NAV2: variants seen among roughly 807,000 people sequenced by gnomAD.
The protein encoded by NAV2 is helicase, APC down-regulated 1.
In NAV2, 54 loss-of-function variants were observed where a neutral mutation model predicts 223.2. That is an observed-to-expected ratio of 0.24 (90% confidence interval 0.19 to 0.30). The LOEUF (loss-of-function observed/expected upper bound fraction) is 0.30, where lower values mean the gene tolerates loss of function less well. Ranked by LOEUF, NAV2 falls within the 10% of genes least tolerant of loss-of-function variation. NAV2 has a pLI of 1.00. For missense variants in NAV2, 2,806 were observed against 3,147.5 expected, an observed-to-expected ratio of 0.89 and a Z score of 2.60; for synonymous variants, 1,279 against 1,239.3, an observed-to-expected ratio of 1.03 and a Z score of -0.67.
At chr11:19,925,776 T>C (rs1255495530) in intron 6 of NAV2, among the ~76,000 whole-genome samples, 1 of 152,066 alleles carries the variant, frequency 6.6e-6, no homozygotes, top group Non-Finnish European at 1.5e-5. Flanking sequence ...AATCCAACTT[T>C]AGTTTTCTTT....
At chr11:19,614,535 G>A (rs536329673) in intron 1 of NAV2, among the ~76,000 whole-genome samples, 7 of 152,036 alleles carry the variant, frequency 4.6e-5, no homozygotes, top group African/African-American at 1.2e-4. Flanking sequence ...TATCAATATC[G>A]CACCAGTGTG....
At chr11:19,648,953 G>C (rs2047892396) in intron 1 of NAV2, among the ~76,000 whole-genome samples, 1 of 151,964 alleles carries the variant, frequency 6.6e-6, no homozygotes, top group African/African-American at 2.4e-5. Context: ...ATTTTTAGTA[G>C]ATTTTATTAC....
chr11:19,346,344 G>T (rs1354614747), upstream of NAV2, among the ~76,000 whole-genome samples: 1 of 152,218 alleles, frequency 6.6e-6, no homozygotes, highest in Non-Finnish European at 1.5e-5. Flanking sequence ...GGGTGGTGTA[G>T]GTGGATCGGA....
intron 1 of NAV2, among the ~76,000 whole-genome samples, chr11:19,652,105 C>T (rs2047987112): frequency 6.6e-6 from 1 of 152,074 alleles, no homozygotes; most frequent in South Asian, 2.1e-4. Flanking sequence ...GTGATTAATC[C>T]AAGATATTAA....
chr11:20,088,130 A>C (rs555365366), intron 26 of NAV2, among the ~76,000 whole-genome samples: 1 of 152,186 alleles, frequency 6.6e-6, no homozygotes. Flanking sequence ...TGTCTTGGGC[A>C]TTAGGATTAG....
At chr11:19,951,540 C>T (rs183068710) in intron 10 of NAV2, among the ~76,000 whole-genome samples, 33 of 151,148 alleles carry the variant, frequency 2.2e-4, no homozygotes, top group Admixed American at 1.9e-3. Flanking sequence ...CATATACTAC[C>T]GAACAAATTG....
chr11:19,391,861 C>CCCTG (rs1849261796), intron 1 of NAV2, among the ~76,000 whole-genome samples: 1 of 152,098 alleles, frequency 6.6e-6, no homozygotes, highest in Non-Finnish European at 1.5e-5. Context: ...ATATTCGTTC[C>CCCTG]CCTGCTGTGT....
At chr11:19,768,362 C>G (rs1357573655) in intron 1 of NAV2, among the ~76,000 whole-genome samples, 1 of 152,008 alleles carries the variant, frequency 6.6e-6, no homozygotes, top group Non-Finnish European at 1.5e-5. Context: ...CTGTGCTTGC[C>G]TAATATCAGT....
chr11:19,945,277 T>G (rs1467069295), intron 8 of NAV2, among the ~76,000 whole-genome samples: 2 of 150,996 alleles, frequency 1.3e-5, no homozygotes. Flanking sequence ...TTGCTTGCTT[T>G]CTTGCCTTCT....
Position 19,772,431 on chromosome 11 carries a change from G to T in NAV2, c.267+58469G>T, listed in dbSNP as rs568051138. The stretch of plus-strand genomic sequence containing the variant: ...CCTTTCTCTGCAAAATAGCAAAAAG[G>T]ATCCTTTTCAGTATTGCTGTGATGA... On this transcript the variant is annotated intron_variant, in intron 1 of 37. Coordinates refer to ENST00000349880, the MANE Select transcript of NAV2 (RefSeq NM_145117.5). 5.9e-5 allele frequency among the ~76,000 whole-genome samples: 9 copies of T among 152,302 alleles called. No homozygotes were observed. In the South Asian group the frequency reaches 1.9e-3, roughly 32 times the overall value.
chr11:19,552,795 C>A (rs894287505), intron 1 of NAV2, among the ~76,000 whole-genome samples: 1 of 151,460 alleles, frequency 6.6e-6, no homozygotes, highest in African/African-American at 2.4e-5. Context: ...TAGCTCTCTC[C>A]GAGGGGCTGT....
chr11:19,431,195 T>G (rs1421364282), intron 1 of NAV2, among the ~76,000 whole-genome samples: 3 of 152,180 alleles, frequency 2.0e-5, no homozygotes, highest in African/African-American at 7.2e-5. Context: ...CCCTTCAAGC[T>G]GTGCTGAGTT....
Position 20,049,329 on chromosome 11 carries a change from A to G in NAV2, c.4370+134A>G, listed in dbSNP as rs1257680631. 7.2e-6 allele frequency: 5 copies of G among 696,422 alleles called. No homozygotes were observed. The African/African-American group carries it at 7.2e-5, about 10-fold the overall frequency. The allele number at this position is 696,422 out of a possible 1,614,324, so 43.1% of individuals were successfully genotyped here. On this transcript the variant is annotated intron_variant, in intron 15 of 37. Coordinates refer to ENST00000349880, the MANE Select transcript of NAV2 (RefSeq NM_145117.5). ...CTCTTTCTAATTACTGCTGTCTTTC[A>G]TGGGGAAGCCACTTCAGGATGGAAT...
At chr11:19,742,516 T>C (rs1052550747) in intron 1 of NAV2, among the ~76,000 whole-genome samples, 11 of 152,214 alleles carry the variant, frequency 7.2e-5, no homozygotes, top group African/African-American at 2.4e-4. Context: ...ACTCATGGAC[T>C]GCCTGCTACC....
chr11:20,119,317 C>T lies in NAV2; in HGVS notation c.*1059C>T, dbSNP rs1439230801. ...GTCCATCCTCACAGTCCTACACACT[C>T]GCCTCCTCCTGCTAGGGCTGGGGGT... is the stretch of plus-strand genomic sequence containing the variant. On this transcript the variant is annotated 3_prime_UTR_variant, in exon 38 of 38. Transcript: ENST00000349880. The T allele has an allele frequency of 2.6e-5, 4 of 152,100 alleles. No individual in the cohort carries two copies. The highest frequency in any genetic ancestry group is 2.1e-4 in the South Asian group (1 of 4,820). The allele number at this position is 152,100 out of a possible 1,614,324, so 9.4% of individuals were successfully genotyped here.
intron 7 of NAV2, among the ~76,000 whole-genome samples, chr11:19,936,218 T>G (rs1055207653): frequency 1.3e-5 from 2 of 151,986 alleles, no homozygotes; most frequent in Non-Finnish European, 2.9e-5. Flanking sequence ...CCATATGAAA[T>G]TTTTATAATT....
At chr11:19,380,814 T>C (rs1848813170) in intron 1 of NAV2, among the ~76,000 whole-genome samples, 1 of 152,204 alleles carries the variant, frequency 6.6e-6, no homozygotes, top group Non-Finnish European at 1.5e-5. Context: ...TTGTGTAAAG[T>C]GGCCAACTGT....
In NAV2 at chr11:19,949,799, G is replaced by A. The variant is rs369640147; in HGVS notation, c.2645+719G>A. The stretch of plus-strand genomic sequence containing the variant: ...CATAAAGCAAGGACTTGTCTTGCGC[G>A]TTCACTGCAGAATCCCCAGTGTGTT... On this transcript the variant is annotated intron_variant, in intron 10 of 37. Transcript: ENST00000349880. Among the ~76,000 whole-genome samples, 159 of 152,302 alleles carry A rather than the reference G, an allele frequency of 1.0e-3. 1 individual carries two copies. In the South Asian group the frequency reaches 0.03, roughly 29 times the overall value.
chr11:19,827,377 T>C (rs1021582397), intron 1 of NAV2, among the ~76,000 whole-genome samples: 2 of 152,206 alleles, frequency 1.3e-5, no homozygotes, highest in African/African-American at 4.8e-5. Context: ...TGAGTCTGTG[T>C]CCTGATACCT....
Sources: allele counts gnomAD v4.1 joint callset (sites outside exome capture counted in the v4.1 genomes callset), GRCh38; gene constraint gnomAD v4.1.1; transcripts MANE v1.5; gene names NCBI Gene and HGNC (gene_info 2026-07-23, HGNC 2026-07-21).